The following SMIM19 variants were observed in gnomAD, a reference collection of about 807,000 sequenced individuals.
The protein encoded by SMIM19 is UPF0697 protein C8orf40.
A neutral mutation model predicts 13.2 loss-of-function variants in SMIM19; 6 were observed. The ratio of observed to expected loss-of-function variants is 0.45; its 90% CI spans 0.25 to 0.90. The LOEUF (loss-of-function observed/expected upper bound fraction) is 0.90, where lower values mean the gene tolerates loss of function less well. Ranked by LOEUF, SMIM19 falls within the 40% of genes least tolerant of loss-of-function variation. The pLI is 0.19. For missense variants in SMIM19, 138 were observed against 131.0 expected (o/e 1.05, Z -0.26); for synonymous variants, 46 against 43.1 (o/e 1.07, Z -0.27).
rs1344663750 is a variant in SMIM19, at chr8:42,546,589, CTT to C, written c.118_119del (p.Phe40HisfsTer30). 1 of 1,611,842 alleles carries C rather than the reference CTT, an allele frequency of 6.2e-7. No homozygotes were observed. Among genetic ancestry groups the C allele is most frequent in the Non-Finnish European group, 8.5e-7 (1 of 1,179,566 alleles). ...LIVILVSFGL[F>X]MYAKRNKRRI... The stretch of plus-strand genomic sequence containing the variant: ...TAGTTATCCTTGTTAGCTTCGGTCT[CTT>C]CATGTATGCCAAAAGGTAAATTTTT... On this transcript the variant is annotated frameshift_variant, in exon 2 of 4. Transcript: ENST00000417410. LOFTEE classifies it high-confidence loss of function.
intron 3 of SMIM19, 133 bp from the exon 4 acceptor site, chr8:42,552,411 C>T: frequency 1.1e-6 from 1 of 886,448 alleles, no homozygotes; most frequent in Non-Finnish European, 1.6e-6. Flanking sequence ...GAGGGAGACT[C>T]TATCTCTGAA....
At position 42,555,005 on chromosome 8, in the gene SMIM19, G is replaced by A. The variant is rs1221114770; in HGVS notation, c.*2397G>A. 1 of 152,202 alleles carries A rather than the reference G, an allele frequency of 6.6e-6. No individual in the cohort carries two copies. The highest frequency in any genetic ancestry group is 1.5e-5 in the Non-Finnish European group (1 of 68,042). The allele number at this position is 152,202 out of a possible 1,614,324, so 9.4% of individuals were successfully genotyped here. On this transcript the variant is annotated 3_prime_UTR_variant, in exon 4 of 4. Transcript: ENST00000417410. Reference sequence around the variant, plus strand: ...AGATGTTTGCTGTTGACCTCACGCTGTGTCTGGTTGAGTTATTCATGATTC... The same window carrying A: ...AGATGTTTGCTGTTGACCTCACGCTATGTCTGGTTGAGTTATTCATGATTC...
chr8:42,549,076 CAA>C (rs1032720004), intron 3 of SMIM19, among the ~76,000 whole-genome samples: 10 of 152,226 alleles, frequency 6.6e-5, no homozygotes, highest in Non-Finnish European at 1.5e-4. Context: ...AATGAATAAA[CAA>C]AGTGTGGTGC....
chr8:42,548,624 A>C, intron 2 of SMIM19, 32 bp from the exon 3 acceptor site: 1 of 1,611,990 alleles, frequency 6.2e-7, no homozygotes, highest in South Asian at 1.1e-5. Flanking sequence ...ACATTAATAC[A>C]AACATCTCTT....
chr8:42,550,842 A>G (rs1813649916), intron 3 of SMIM19, among the ~76,000 whole-genome samples: 1 of 152,142 alleles, frequency 6.6e-6, no homozygotes, highest in African/African-American at 2.4e-5. Flanking sequence ...ATCCCAGCAT[A>G]ATGGGTCCTT....
At chr8:42,546,692 T>G in intron 2 of SMIM19, 86 bp downstream of exon 2, 1 of 1,510,058 alleles carries the variant, frequency 6.6e-7, no homozygotes, top group Non-Finnish European at 8.9e-7. Flanking sequence ...TGCATAAAAG[T>G]AATTTCATCA....
chr8:42,545,723 G>T (rs1200812621), intron 1 of SMIM19, among the ~76,000 whole-genome samples: 2 of 152,068 alleles, frequency 1.3e-5, no homozygotes, highest in Non-Finnish European at 2.9e-5. Context: ...GAGAAACAGG[G>T]TTTCACCATG....
At position 42,548,685 on chromosome 8, in the gene SMIM19, G is replaced by A. The variant is rs1440724868; in HGVS notation, c.164G>A (p.Ser55Asn). 4 of 1,613,740 alleles carry A rather than the reference G, an allele frequency of 2.5e-6. No homozygotes were observed. Among genetic ancestry groups the A allele is most frequent in the Non-Finnish European group, 2.5e-6 (3 of 1,179,916 alleles). ...AAAAGGAGAATTATGAGGATATTCA[G>A]TGTGCCACCTACAGAGGAAACTTTG... ...RNKRRIMRIF[S>N]VPPTEETLSE... Residue 55 changes from serine (S) to asparagine (N), a missense_variant, in exon 3 of 4, where the codon AGT becomes AAT. Coordinates refer to ENST00000417410, the MANE Select transcript of SMIM19 (RefSeq NM_001135674.2).
Position 42,548,780 on chromosome 8 carries a change from T to C in SMIM19, c.259T>C (p.Ser87Pro). 5 of 1,613,290 alleles carry C rather than the reference T, an allele frequency of 3.1e-6. No homozygotes were observed. The highest frequency in any genetic ancestry group is 3.4e-6 in the Non-Finnish European group (4 of 1,179,628). Residue 87 changes from serine to proline, a missense_variant and splice_region_variant, in exon 3 of 4, where the codon TCA (serine) becomes CCA (proline). Coordinates refer to ENST00000417410, the MANE Select transcript of SMIM19 (RefSeq NM_001135674.2). ...LRQQLEMYSI[S>P]RKYDYQQPQN... is the part of the protein sequence containing the mutation. ...ACAACAACTGGAAATGTATTCCATT[T>C]GTAAGTATATTCTGTGCTGAAAGAT...
intron 3 of SMIM19, 39 bp downstream of exon 3, chr8:42,548,819 T>A: frequency 6.4e-7 from 1 of 1,554,524 alleles, no homozygotes; most frequent in African/African-American, 1.4e-5. Flanking sequence ...CATATGCACA[T>A]TTAAAATAGA....
chr8:42,544,838 A>G (rs1022756468), intron 1 of SMIM19, among the ~76,000 whole-genome samples: 1 of 152,240 alleles, frequency 6.6e-6, no homozygotes, highest in Non-Finnish European at 1.5e-5. Flanking sequence ...AAGCTAAAAG[A>G]AAGAACTCTG....
At chr8:42,546,976 A>G (rs1813514682) in intron 2 of SMIM19, among the ~76,000 whole-genome samples, 2 of 151,858 alleles carry the variant, frequency 1.3e-5, no homozygotes, top group Admixed American at 1.3e-4. Context: ...AGAAAAAAAA[A>G]GAAAGAAATT....
rs553678425 is a variant in SMIM19 at position 42,553,891 on chromosome 8, A to C, written c.*1283A>C. 9.9e-5 allele frequency: 15 copies of C among 152,164 alleles called. No homozygotes were observed. The highest frequency in any genetic ancestry group is 1.8e-4 in the Non-Finnish European group (12 of 68,106). The allele number at this position is 152,164 out of a possible 1,614,324, so 9.4% of individuals were successfully genotyped here. On this transcript the variant is annotated 3_prime_UTR_variant, in exon 4 of 4. Coordinates refer to ENST00000417410, the MANE Select transcript of SMIM19 (RefSeq NM_001135674.2). ...CAGCTACTCAGGAGGCTGAGGCAGGAGAATTGCTCGAATCTGAGAGGTGGA... is the reference window on the plus strand; with the variant it reads ...CAGCTACTCAGGAGGCTGAGGCAGGCGAATTGCTCGAATCTGAGAGGTGGA...
At chr8:42,551,810 G>A (rs1376932558) in intron 3 of SMIM19, among the ~76,000 whole-genome samples, 1 of 152,060 alleles carries the variant, frequency 6.6e-6, no homozygotes, top group East Asian at 1.9e-4. Context: ...TGGGTGTGGT[G>A]ATGTCCACCA....
At chr8:42,550,671 T>G (rs1173942345) in intron 3 of SMIM19, among the ~76,000 whole-genome samples, 3 of 152,062 alleles carry the variant, frequency 2.0e-5, no homozygotes, top group Non-Finnish European at 4.4e-5. Context: ...TAATCCAGAG[T>G]CATCTCCCCA....
rs774281825 is a variant in SMIM19, at chr8:42,548,636, TG to T, written c.135-19del. ...TAGACATTAATACAAACATCTCTTC[TG>T]CATGGATTTTGTGTTTAGGAACAAA... On this transcript the variant is annotated intron_variant, in intron 2 of 3. Coordinates refer to ENST00000417410, the MANE Select transcript of SMIM19 (RefSeq NM_001135674.2). The T allele has an allele frequency of 1.9e-6, 3 of 1,612,970 alleles. No individual in the cohort carries two copies. The African/African-American group carries it at 4.0e-5, about 22-fold the overall frequency.
chr8:42,546,102 T>A (rs750880541), intron 1 of SMIM19, among the ~76,000 whole-genome samples: 4 of 152,208 alleles, frequency 2.6e-5, no homozygotes, highest in Non-Finnish European at 5.9e-5. Flanking sequence ...GGCATAGTAT[T>A]GCATATAACC....
rs1422811918 is a variant in SMIM19 at position 42,554,353 on chromosome 8, CAGT to C, written c.*1748_*1750del. ...TATTTCCACAAGTGAATTTAATCAG[CAGT>C]AGGAGTGGTTTACTCGTCACTGACA... On this transcript the variant is annotated 3_prime_UTR_variant, in exon 4 of 4. Transcript: ENST00000417410. The C allele has an allele frequency of 6.6e-6, 1 of 152,182 alleles. No homozygotes were observed. Among genetic ancestry groups the C allele is most frequent in the African/African-American group, 2.4e-5 (1 of 41,454 alleles). 9.4% of individuals were successfully genotyped at this position (152,182 alleles called of 1,614,324 possible).
intron 1 of SMIM19, 162 bp downstream of exon 1, chr8:42,542,535 G>A: frequency 1.1e-6 from 1 of 925,398 alleles, no homozygotes; most frequent in East Asian, 1.2e-4. Context: ...CTAAGTGAGA[G>A]ACAAAAATGA....
Sources: gnomAD v4.1 joint callset for allele counts (sites outside exome capture counted in the v4.1 genomes callset) on GRCh38, gnomAD v4.1.1 for gene constraint, MANE v1.5 for transcripts, NCBI Gene and HGNC (gene_info 2026-07-23, HGNC 2026-07-21) for gene names.